Variants in MAP3K6 observed in about 807,000 individuals in gnomAD.
MAP3K6 encodes mitogen-activated protein kinase kinase kinase 6, also known as apoptosis signal-regulating kinase 2.
MAP3K6 carries 105 observed loss-of-function variants against 147.1 expected under a neutral mutation model. The observed-to-expected ratio is 0.71, with a 90% CI of 0.61 to 0.84. The LOEUF (loss-of-function observed/expected upper bound fraction) is 0.84, where lower values mean the gene tolerates loss of function less well. Ranked by LOEUF, MAP3K6 falls within the 40% of genes least tolerant of loss-of-function variation. The probability of loss-of-function intolerance (pLI) is 0.00; values close to 1 mark genes in which losing one functional copy is unlikely to be tolerated. For missense variants in MAP3K6, 1,569 were observed against 1,715.0 expected (o/e 0.91, Z 1.50); for synonymous variants, 695 against 732.4 (o/e 0.95, Z 0.82).
chr1:27,355,619 C>T, intron 28 of MAP3K6, 50 bp downstream of exon 28: 1 of 1,605,310 alleles, frequency 6.2e-7, no homozygotes, highest in Non-Finnish European at 8.5e-7. Context: ...CTGCAGTTGG[C>T]CAGGATGAGG....
At position 27,356,065 on chromosome 1, in the gene MAP3K6, C is replaced by T; in HGVS notation, c.3672G>A (p.Trp1224Ter). 2 of 1,614,084 alleles carry T rather than the reference C, an allele frequency of 1.2e-6. No individual in the cohort carries two copies. The highest frequency in any genetic ancestry group is 1.1e-5 in the South Asian group (1 of 91,088). Residue 1224 changes from tryptophan to a stop codon, truncating the protein, a stop_gained, in exon 27 of 29, where the codon TGG becomes TGA. Coordinates refer to ENST00000357582, the MANE Select transcript of MAP3K6 (RefSeq NM_004672.5). LOFTEE classifies it high-confidence loss of function. ...ALSTDQGLVQWLQELNVDSGT... is the reference protein window; with the variant it reads ...ALSTDQGLVQ ...CTGAATCCACATTCAGTTCCTGTAG[C>T]CACTGCACCAGGCCCTGGTCCGTTG...
chr1:27,363,286 G>T (rs1423084990), intron 6 of MAP3K6, among the ~76,000 whole-genome samples, 156 bp downstream of exon 6: 3 of 151,786 alleles, frequency 2.0e-5, no homozygotes, highest in Non-Finnish European at 2.9e-5. Flanking sequence ...CCAGGCAGCA[G>T]TAACTCAGAA....
chr1:27,366,353 A>C lies in MAP3K6; in HGVS notation c.245T>G (p.Val82Gly). 1 of 1,281,438 alleles carries C rather than the reference A, an allele frequency of 7.8e-7. No homozygotes were observed. Among genetic ancestry groups the C allele is most frequent in the Non-Finnish European group, 9.8e-7 (1 of 1,015,564 alleles). 79.4% of individuals were successfully genotyped at this position (1,281,438 alleles called of 1,614,324 possible). ...CTGCGGGGGCGGCCGCGGCCGGGGGACCTGCGCGCAAGCCTCGCGCAGGCA... is the reference window on the plus strand; with the variant it reads ...CTGCGGGGGCGGCCGCGGCCGGGGGCCCTGCGCGCAAGCCTCGCGCAGGCA... ...LRCLREACAQ[V>G]PRPRPPPQLR... Residue 82 changes from valine to glycine, a missense_variant, in exon 1 of 29, where the codon GTC becomes GGC. Transcript: ENST00000357582. This position sits in a 1 kb window ranked among gnomAD's most constrained non-coding sequence, Gnocchi z 5.5.
At chr1:27,361,092 C>G (rs1456739012) in intron 13 of MAP3K6, 65 bp downstream of exon 13, 5 of 1,540,756 alleles carry the variant, frequency 3.2e-6, no homozygotes, top group Non-Finnish European at 4.4e-6. Context: ...TCGTCCCTTT[C>G]TTTCCCCCAC....
At position 27,358,305 on chromosome 1, in the gene MAP3K6, T is replaced by C; in HGVS notation, c.2791A>G (p.Ser931Gly). 1 of 1,608,444 alleles carries C rather than the reference T, an allele frequency of 6.2e-7. No homozygotes were observed. The highest frequency in any genetic ancestry group is 8.5e-7 in the Non-Finnish European group (1 of 1,178,466). Residue 931 changes from serine (S) to glycine (G), a missense_variant, in exon 21 of 29, where the codon AGT becomes GGT. By Grantham distance (56) the Ser-to-Gly change is moderately conservative (BLOSUM62 0). Coordinates refer to ENST00000357582, the MANE Select transcript of MAP3K6 (RefSeq NM_004672.5). This position sits in a 1 kb window ranked among gnomAD's most constrained non-coding sequence, Gnocchi z 6.2. Reference sequence around the variant, plus strand: ...GTTGAGTTGGCTGAAGGAGTGGGACTGGCAGAAGGGGCATCTGAGGGAGGG... The same window carrying C: ...GTTGAGTTGGCTGAAGGAGTGGGACCGGCAGAAGGGGCATCTGAGGGAGGG... ...APRPSDAPSA[S>G]PTPSANSTTQ...
In MAP3K6 at chr1:27,362,171, C is replaced by G; in HGVS notation, c.1335G>C (p.Leu445=). ...MQYYWDVGFY[L]GAQILANDPT... is the part of the protein sequence containing the mutation. Reference sequence around the variant, plus strand: ...GGTCATTGGCGAGGATCTGGGCTCCCAGGTAGAAACCCACATCCCAGTAAT... The same window carrying G: ...GGTCATTGGCGAGGATCTGGGCTCCGAGGTAGAAACCCACATCCCAGTAAT... Residue 445 remains leucine, a synonymous_variant, in exon 9 of 29, where the codon CTG becomes CTC. Coordinates refer to ENST00000357582, the MANE Select transcript of MAP3K6 (RefSeq NM_004672.5). 1 of 1,613,702 alleles carries G rather than the reference C, an allele frequency of 6.2e-7. No homozygotes were observed. The highest frequency in any genetic ancestry group is 8.5e-7 in the Non-Finnish European group (1 of 1,179,996).
rs780815152 is a variant in MAP3K6 at position 27,364,182 on chromosome 1, C to G, written c.695+22G>C. On this transcript the variant is annotated intron_variant, in intron 4 of 28. Transcript: ENST00000357582. This position sits in a 1 kb window ranked among gnomAD's most constrained non-coding sequence, Gnocchi z 4.4. ...CCTCACCAGCCCCCTCCTGGAGCAC[C>G]CTCCCTGGGGGCCTTCATTACCAAG... is the stretch of plus-strand genomic sequence containing the variant. 3 of 1,604,310 alleles carry G rather than the reference C, an allele frequency of 1.9e-6. No individual in the cohort carries two copies. Among genetic ancestry groups the G allele is most frequent in the Admixed American group, 1.7e-5 (1 of 59,722 alleles).
chr1:27,366,349 G>C lies in MAP3K6; in HGVS notation c.249C>G (p.Pro83=). 1 of 1,285,018 alleles carries C rather than the reference G, an allele frequency of 7.8e-7. No homozygotes were observed. Among genetic ancestry groups the C allele is most frequent in the Non-Finnish European group, 9.8e-7 (1 of 1,017,640 alleles). 79.6% of individuals were successfully genotyped at this position (1,285,018 alleles called of 1,614,324 possible). A position where few individuals can be genotyped will look rare whatever the true frequency, so the allele number is the denominator to read the frequency against. The stretch of plus-strand genomic sequence containing the variant: ...GCAGCTGCGGGGGCGGCCGCGGCCG[G>C]GGGACCTGCGCGCAAGCCTCGCGCA... ...RCLREACAQV[P]RPRPPPQLRS... The change falls in exon 1 of 29, where the codon CCC becomes CCG. Residue 83 remains proline, a synonymous_variant. Transcript: ENST00000357582. This position sits in a 1 kb window ranked among gnomAD's most constrained non-coding sequence, Gnocchi z 5.5.
At position 27,357,464 on chromosome 1, in the gene MAP3K6, C is replaced by A; in HGVS notation, c.3194G>T (p.Arg1065Leu). 1 of 1,613,572 alleles carries A rather than the reference C, an allele frequency of 6.2e-7. No homozygotes were observed. The highest frequency in any genetic ancestry group is 8.5e-7 in the Non-Finnish European group (1 of 1,179,850). Residue 1065 changes from arginine to leucine, a missense_variant, in exon 23 of 29, where the codon CGG becomes CTG. Coordinates refer to ENST00000357582, the MANE Select transcript of MAP3K6 (RefSeq NM_004672.5). ...LAQELRALQGRLRAQGLGPAL... is the reference protein window; with the variant it reads ...LAQELRALQGLLRAQGLGPAL... ...AGGCCCAAGGCCCTGGGCCCTCAGC[C>A]GTCCTTGCAGCGCCCGCAGCTCCTG...
rs1221429283 is a variant in MAP3K6, at chr1:27,356,703, A to G, written c.3411T>C (p.Asn1137=). The change falls in exon 25 of 29, where the codon AAT becomes AAC. Residue 1137 remains asparagine (N), a synonymous_variant. Transcript: ENST00000357582. ...AVSPRSEELS[N]EGDSQQSPGQ... is the part of the protein sequence containing the mutation. ...CTGGGCTCTGCTGGGAGTCCCCTTCATTACTCAGCTCCTCTGACCTCGGTG... is the reference window on the plus strand; with the variant it reads ...CTGGGCTCTGCTGGGAGTCCCCTTCGTTACTCAGCTCCTCTGACCTCGGTG... 1 of 1,604,574 alleles carries G rather than the reference A, an allele frequency of 6.2e-7. No homozygotes were observed. The highest frequency in any genetic ancestry group is 8.5e-7 in the Non-Finnish European group (1 of 1,175,130).
rs1324473671 is a variant in MAP3K6, at chr1:27,364,353, C to T, written c.546G>A (p.Thr182=). The change falls in exon 4 of 29, where the codon ACG becomes ACA. Residue 182 remains threonine (T), a synonymous_variant. Transcript: ENST00000357582. The surrounding 1 kb of genome is among the most constrained non-coding windows in gnomAD (Gnocchi z 4.4). The part of the protein sequence containing the change: ...GSYTLIPYVV[T]ATGRVLCGDA... ...CACCACACAGCACCCGACCAGTGGC[C>T]GTCACCACATAGGGGATCAGTGTGT... 1.1e-5 allele frequency: 17 copies of T among 1,613,998 alleles called. No individual in the cohort carries two copies. Among genetic ancestry groups the T allele is most frequent in the Admixed American group, 3.3e-5 (2 of 60,004 alleles).
Position 27,357,813 on chromosome 1 carries a change from C to T in MAP3K6, c.2979G>A (p.Leu993=). The T allele has an allele frequency of 6.2e-7, 1 of 1,604,662 alleles. No individual in the cohort carries two copies. The highest frequency in any genetic ancestry group is 8.5e-7 in the Non-Finnish European group (1 of 1,177,320). The change falls in exon 22 of 29, where the codon CTG becomes CTA. Residue 993 remains leucine (L), a synonymous_variant. Transcript: ENST00000357582. Reference sequence around the variant, plus strand: ...CCCGACGCTTGCTCTCCTGGTGCAGCAGGCTCAGCCCCGAACTCTCCTCCG... The same window carrying T: ...CCCGACGCTTGCTCTCCTGGTGCAGTAGGCTCAGCCCCGAACTCTCCTCCG... ...ASPEESSGLS[L]LHQESKRRAM...
chr1:27,360,994 A>G lies in MAP3K6; in HGVS notation c.1847T>C (p.Ile616Thr). ...ATCCGGGTTCGTCACCCAGGCCTGG[A>G]TCAGGCCGCAGAACCTGAAGGTGGG... ...VGHCQWFCGL[I>T]QAWVTNPDST... is the part of the protein sequence containing the mutation. The change falls in exon 14 of 29, where the codon ATC becomes ACC. Residue 616 changes from isoleucine to threonine, a missense_variant. Ile to Thr is a moderately conservative substitution (Grantham distance 89, BLOSUM62 -1). Transcript: ENST00000357582. This position sits in a 1 kb window ranked among gnomAD's most constrained non-coding sequence, Gnocchi z 4.5. The G allele has an allele frequency of 1.3e-6, 2 of 1,598,878 alleles. No homozygotes were observed. The highest frequency in any genetic ancestry group is 1.3e-5 in the African/African-American group (1 of 74,688).
intron 13 of MAP3K6, 67 bp from the exon 14 acceptor site, chr1:27,361,075 A>G (rs2015743837): frequency 1.3e-6 from 2 of 1,535,236 alleles, no homozygotes; most frequent in Non-Finnish European, 1.8e-6. Flanking sequence ...GGAGCATCCA[A>G]CGGACGTCGT....
chr1:27,356,060 T>C lies in MAP3K6; in HGVS notation c.3677A>G (p.Gln1226Arg), dbSNP rs1243959449. The C allele has an allele frequency of 1.1e-5, 17 of 1,614,182 alleles. No homozygotes were observed. Among genetic ancestry groups the C allele is most frequent in the Non-Finnish European group, 1.4e-5 (17 of 1,180,020 alleles). Residue 1226 changes from glutamine to arginine, a missense_variant, in exon 27 of 29, where the codon CAG (glutamine) becomes CGG (arginine). By Grantham distance (43) the Gln-to-Arg change is conservative. Transcript: ENST00000357582. ...GGTGCCTGAATCCACATTCAGTTCC[T>C]GTAGCCACTGCACCAGGCCCTGGTC... is the stretch of plus-strand genomic sequence containing the variant. The part of the protein sequence containing the change: ...STDQGLVQWL[Q>R]ELNVDSGTIQ...
In MAP3K6 at chr1:27,360,128, TACAC is replaced by T; in HGVS notation, c.2182+109_2182+112del. ...CGCCACTCCTCAGCTAATTCTAGGC[TACAC>T]CACCCACACGCACTAGGGTGCATTT... On this transcript the variant is annotated intron_variant, in intron 16 of 28. Coordinates refer to ENST00000357582, the MANE Select transcript of MAP3K6 (RefSeq NM_004672.5). The surrounding 1 kb of genome is among the most constrained non-coding windows in gnomAD (Gnocchi z 4.5). 6.3e-7 allele frequency: 1 copy of T among 1,577,808 alleles called. No individual in the cohort carries two copies. The highest frequency in any genetic ancestry group is 1.3e-5 in the African/African-American group (1 of 74,418).
rs2015490050 is a variant in MAP3K6 at position 27,355,575 on chromosome 1, C to T, written c.3788+94G>A. On this transcript the variant is annotated intron_variant, in intron 28 of 28. Coordinates refer to ENST00000357582, the MANE Select transcript of MAP3K6 (RefSeq NM_004672.5). ...CCTCTGTCCCTAGGGGACCCAGGTG[C>T]CCCTTTGGTTTCCAGGAAGGAACCT... 5 of 1,574,424 alleles carry T rather than the reference C, an allele frequency of 3.2e-6. 1 individual carries two copies. The highest frequency in any genetic ancestry group is 4.5e-5 in the East Asian group (2 of 44,686).
At chr1:27,357,197 C>T in intron 23 of MAP3K6, 83 bp from the exon 24 acceptor site, 1 of 1,339,836 alleles carries the variant, frequency 7.5e-7, no homozygotes, top group Non-Finnish European at 1.1e-6. Flanking sequence ...AGAAAGTCTT[C>T]GGCGGGAGGC....
In MAP3K6 at chr1:27,359,862, A is replaced by AT. The variant is rs1557559958; in HGVS notation, c.2314dup (p.Ile772AsnfsTer19). On this transcript the variant is annotated frameshift_variant, in exon 17 of 29. Transcript: ENST00000357582. LOFTEE classifies it high-confidence loss of function. The surrounding 1 kb of genome is among the most constrained non-coding windows in gnomAD (Gnocchi z 4.4). ...CGGGCCAGCCCCAGGGCTTACTTTT[A>AT]TGTCCCTGTGCACGATGTGGTTGTC... The AT allele has an allele frequency of 6.2e-7, 1 of 1,613,978 alleles. No homozygotes were observed. Among genetic ancestry groups the AT allele is most frequent in the Admixed American group, 1.7e-5 (1 of 60,014 alleles).
Sources: gnomAD v4.1 joint callset for allele counts (sites outside exome capture counted in the v4.1 genomes callset) on GRCh38, gnomAD v4.1.1 for gene constraint, Gnocchi (gnomAD v3.1) non-coding constraint, MANE v1.5 for transcripts, NCBI Gene and HGNC (gene_info 2026-07-23, HGNC 2026-07-21) for gene names.